DIAPH3: variants seen among roughly 807,000 people sequenced by gnomAD.
DIAPH3 encodes the protein protein diaphanous homolog 3.
A neutral mutation model predicts 144.3 loss-of-function variants in DIAPH3; 117 were observed. The observed-to-expected ratio is 0.81, with a 90% CI of 0.70 to 0.95. DIAPH3 has a LOEUF of 0.95. Among genes scored for constraint, DIAPH3 ranks in the 40% least tolerant of loss-of-function variants. The pLI is 0.00. For synonymous variants in DIAPH3, 519 were observed against 488.9 expected (o/e 1.06, Z -0.81); for missense variants, 1,421 against 1,412.7 (o/e 1.01, Z -0.09).
In DIAPH3 at chr13:59,716,332, C is replaced by G. The variant is rs377298537; in HGVS notation, c.3320-49486G>C. 3.5e-4 allele frequency among the ~76,000 whole-genome samples: 53 copies of G among 152,244 alleles called. 1 individual carries two copies. The East Asian group carries it at 6.2e-3, about 18-fold the overall frequency. Reference sequence around the variant, plus strand: ...CTGGGAATACAGGCGCCCGCCACCACGCCCGGCTAATTTTTTGTATTTTTA... The same window carrying G: ...CTGGGAATACAGGCGCCCGCCACCAGGCCCGGCTAATTTTTTGTATTTTTA... On this transcript the variant is annotated intron_variant, in intron 27 of 27. Transcript: ENST00000400324.
intron 17 of DIAPH3, among the ~76,000 whole-genome samples, chr13:59,947,489 C>T (rs930398945): frequency 6.6e-6 from 1 of 152,018 alleles, no homozygotes; most frequent in Non-Finnish European, 1.5e-5. Context: ...CAATCAGACA[C>T]GATCTAAATT....
chr13:59,833,232 A>C lies in DIAPH3; in HGVS notation c.2902T>G (p.Ser968Ala). 6.2e-7 allele frequency: 1 copy of C among 1,609,722 alleles called. No homozygotes were observed. The highest frequency in any genetic ancestry group is 8.5e-7 in the Non-Finnish European group (1 of 1,177,428). The change falls in exon 24 of 28, where the codon TCG (serine) becomes GCG (alanine). Residue 968 changes from serine to alanine, a missense_variant. By Grantham distance (99) the Ser-to-Ala change is moderately conservative. Transcript: ENST00000400324. ...TTTTCCATGTTTTCGTGTAACTTCG[A>C]AAGTGTCTCATATTGTTCTTTTGCA... ...ISAKEQYETLSKLHENMEKLY... is the reference protein window; with the variant it reads ...ISAKEQYETLAKLHENMEKLY...
At chr13:59,919,742 C>T (rs1262196572) in intron 18 of DIAPH3, among the ~76,000 whole-genome samples, 1 of 151,900 alleles carries the variant, frequency 6.6e-6, no homozygotes, top group African/African-American at 2.4e-5. Flanking sequence ...AAAGTAAGTA[C>T]ATAGTCAAAT....
At chr13:60,140,110 G>A (rs1460897043) in intron 1 of DIAPH3, among the ~76,000 whole-genome samples, 1 of 152,194 alleles carries the variant, frequency 6.6e-6, no homozygotes, top group African/African-American at 2.4e-5. Context: ...TTACTTCTGA[G>A]AGTGGCTTAG....
chr13:59,856,068 T>A lies in DIAPH3; in HGVS notation c.2737+5339A>T, dbSNP rs193273661. Among the ~76,000 whole-genome samples the A allele has an allele frequency of 4.6e-5, 7 of 152,282 alleles. No individual in the cohort carries two copies. In the East Asian group the frequency reaches 1.4e-3, roughly 29 times the overall value. On this transcript the variant is annotated intron_variant, in intron 22 of 27. Coordinates refer to ENST00000400324, the MANE Select transcript of DIAPH3 (RefSeq NM_001042517.2). ...TATTTATTTAAAATGCCTTAATATATCCTTATACATGTACTACTTTATGTT... is the reference window on the plus strand; with the variant it reads ...TATTTATTTAAAATGCCTTAATATAACCTTATACATGTACTACTTTATGTT...
intron 22 of DIAPH3, among the ~76,000 whole-genome samples, chr13:59,857,222 A>G (rs2043308915): frequency 6.6e-6 from 1 of 152,180 alleles, no homozygotes; most frequent in African/African-American, 2.4e-5. Flanking sequence ...ATTTTCAAAC[A>G]CTATAAATTT....
chr13:59,856,323 A>C (rs1455142381), intron 22 of DIAPH3, among the ~76,000 whole-genome samples: 1 of 152,196 alleles, frequency 6.6e-6, no homozygotes, highest in African/African-American at 2.4e-5. Flanking sequence ...AAAATGTCTT[A>C]AGTTAGTATA....
At chr13:60,013,029 G>A (rs1368383981) in intron 7 of DIAPH3, 9 of 985,284 alleles carry the variant, frequency 9.1e-6, no homozygotes, top group African/African-American at 1.7e-5. Flanking sequence ...TTGACTCTGT[G>A]TGAGAAGTTG....
At chr13:59,993,300 A>T (rs2051957653) in intron 9 of DIAPH3, among the ~76,000 whole-genome samples, 1 of 151,862 alleles carries the variant, frequency 6.6e-6, no homozygotes, top group Non-Finnish European at 1.5e-5. Flanking sequence ...TGGCTAAAAT[A>T]TATCTTTCAT....
intron 27 of DIAPH3, among the ~76,000 whole-genome samples, chr13:59,752,427 G>T (rs987770564): frequency 1.7e-4 from 25 of 151,328 alleles, no homozygotes; most frequent in African/African-American, 5.8e-4. Context: ...GAGAGCAGTG[G>T]TACTATCATG....
chr13:59,710,976 T>A (rs1351293005), intron 27 of DIAPH3, among the ~76,000 whole-genome samples: 1 of 152,230 alleles, frequency 6.6e-6, no homozygotes, highest in Admixed American at 6.5e-5. Flanking sequence ...ACTGAATGAC[T>A]ATAATGCACC....
chr13:59,818,047 C>A (rs1042441396), intron 24 of DIAPH3, among the ~76,000 whole-genome samples: 5 of 151,814 alleles, frequency 3.3e-5, no homozygotes, highest in African/African-American at 1.2e-4. Context: ...CAGAGGCTAT[C>A]GAACTATAAT....
intron 22 of DIAPH3, among the ~76,000 whole-genome samples, chr13:59,858,959 C>T (rs2043413192): frequency 6.6e-6 from 1 of 151,946 alleles, no homozygotes; most frequent in Non-Finnish European, 1.5e-5. Context: ...ATTTGTTATG[C>T]CTCAAAAACA....
chr13:59,991,109 ATAGATT>A, intron 12 of DIAPH3, 43 bp downstream of exon 12: 1 of 1,202,046 alleles, frequency 8.3e-7, no homozygotes, highest in Non-Finnish European at 1.2e-6. Context: ...TTCACAATTA[ATAGATT>A]TTTATTAGTG....
chr13:60,099,151 T>C (rs9570257), intron 3 of DIAPH3, among the ~76,000 whole-genome samples: 9,363 of 152,208 alleles, frequency 0.062, 446 homozygotes, highest in East Asian at 0.29. Context: ...ATTATCTCAT[T>C]CATAGTACTC....
chr13:59,946,332 A>C (rs982397129), intron 17 of DIAPH3, among the ~76,000 whole-genome samples: 4 of 152,178 alleles, frequency 2.6e-5, no homozygotes, highest in African/African-American at 9.7e-5. Context: ...CAAAGCACAG[A>C]ATCCAGTTTG....
chr13:59,713,910 AT>A (rs2034888221), intron 27 of DIAPH3, among the ~76,000 whole-genome samples: 1 of 152,194 alleles, frequency 6.6e-6, no homozygotes, highest in African/African-American at 2.4e-5. Context: ...AAAAAGGAAA[AT>A]TAAGAGTCTG....
chr13:59,758,009 A>G (rs554273681), intron 27 of DIAPH3, among the ~76,000 whole-genome samples: 1 of 152,324 alleles, frequency 6.6e-6, no homozygotes, highest in Admixed American at 6.5e-5. Flanking sequence ...CCACAAAAGC[A>G]AATAAGCCTA....
chr13:59,809,249 C>T (rs1264354596), intron 25 of DIAPH3, among the ~76,000 whole-genome samples: 1 of 152,136 alleles, frequency 6.6e-6, no homozygotes, highest in African/African-American at 2.4e-5. Flanking sequence ...CGCCTGTAAT[C>T]CCAGCACTTT....
Sources: allele counts gnomAD v4.1 joint callset (sites outside exome capture counted in the v4.1 genomes callset), GRCh38; gene constraint gnomAD v4.1.1; transcripts MANE v1.5; gene names NCBI Gene and HGNC (gene_info 2026-07-23, HGNC 2026-07-21).